Variants in LOC400499 observed in about 807,000 individuals in gnomAD.
At chr16:11,439,062 A>C in the LOC400499 span, among the ~76,000 whole-genome samples, 2,737 of 152,182 alleles carry the variant, frequency 0.018, 94 homozygotes, top group African/African-American at 0.063. Context: ...CACACCATGC[A>C]CAGCCTGCTC....
chr16:11,490,425 C>A, the LOC400499 span, among the ~76,000 whole-genome samples: 3 of 139,102 alleles, frequency 2.2e-5, no homozygotes, highest in Non-Finnish European at 4.6e-5. Flanking sequence ...AAAGTCCGGG[C>A]GCAGTGGCTC....
chr16:11,425,381 G>C, the LOC400499 span: 8 of 399,260 alleles, frequency 2.0e-5, no homozygotes, highest in Admixed American at 4.4e-5. Context: ...TCTCATGCTG[G>C]TCCCGCAGGA....
the LOC400499 span, among the ~76,000 whole-genome samples, chr16:11,418,010 T>C: frequency 2.0e-5 from 3 of 152,092 alleles, no homozygotes; most frequent in Non-Finnish European, 2.9e-5. Context: ...ATGGGGTTAC[T>C]CCAGCTAATT....
the LOC400499 span, among the ~76,000 whole-genome samples, chr16:11,395,438 C>T: frequency 1.4e-4 from 21 of 152,280 alleles, no homozygotes; most frequent in East Asian, 5.8e-4. Flanking sequence ...CCATCAGGCA[C>T]GGGGCTTACA....
At chr16:11,376,243 T>C in the LOC400499 span, among the ~76,000 whole-genome samples, 1 of 152,250 alleles carries the variant, frequency 6.6e-6, no homozygotes, top group Non-Finnish European at 1.5e-5. Flanking sequence ...TTTGGTGTCA[T>C]ATGCGCCATA....
the LOC400499 span, chr16:11,478,499 G>A: frequency 7.5e-6 from 3 of 398,950 alleles, no homozygotes; most frequent in Non-Finnish European, 1.3e-5. Flanking sequence ...TCACAGGGCA[G>A]ATGGCATGGG....
At chr16:11,463,895 A>C in the LOC400499 span, among the ~76,000 whole-genome samples, 1 of 152,180 alleles carries the variant, frequency 6.6e-6, no homozygotes, top group Non-Finnish European at 1.5e-5. Context: ...GAATGTGTAC[A>C]GATATGTCCA....
At chr16:11,412,955 T>C in the LOC400499 span, 4 of 399,082 alleles carry the variant, frequency 1.0e-5, no homozygotes, top group Non-Finnish European at 1.8e-5. Context: ...GAACACGAGC[T>C]GAGGAGGGAG....
the LOC400499 span, chr16:11,392,844 T>C: frequency 6.1e-6 from 6 of 976,334 alleles, no homozygotes; most frequent in Non-Finnish European, 7.3e-6. Context: ...CACCAGGTTT[T>C]TTCGTTTTTG....
chr16:11,404,880 A>G, the LOC400499 span: 3 of 398,748 alleles, frequency 7.5e-6, no homozygotes, highest in Non-Finnish European at 1.3e-5. Flanking sequence ...GAAGAGAATG[A>G]CGGCGTCATG....
the LOC400499 span, among the ~76,000 whole-genome samples, chr16:11,519,791 C>T: frequency 1.4e-4 from 21 of 151,886 alleles, no homozygotes; most frequent in East Asian, 4.1e-3. Flanking sequence ...CAGCAACCTC[C>T]ATCTCCCGGG....
chr16:11,460,677 G>A, the LOC400499 span: 3 of 1,467,358 alleles, frequency 2.0e-6, no homozygotes, highest in South Asian at 1.3e-5. Context: ...GGCTCCAAGA[G>A]AAGGAGGGCC....
the LOC400499 span, among the ~76,000 whole-genome samples, chr16:11,418,705 G>A: frequency 6.6e-6 from 1 of 152,206 alleles, no homozygotes; most frequent in Admixed American, 6.5e-5. Context: ...TCCCATTCCT[G>A]TGGCTGCTTT....
chr16:11,426,896 C>CAAA, the LOC400499 span, among the ~76,000 whole-genome samples: 235 of 105,850 alleles, frequency 2.2e-3, 3 homozygotes, highest in Non-Finnish European at 2.4e-3. Flanking sequence ...GACCCCATCT[C>CAAA]AAAAAAAAAA....
the LOC400499 span, chr16:11,399,849 G>A: frequency 5.0e-6 from 2 of 398,728 alleles, no homozygotes. Flanking sequence ...GGTGGGGAAA[G>A]GGGGACATGT....
the LOC400499 span, among the ~76,000 whole-genome samples, chr16:11,497,858 G>T: frequency 6.6e-6 from 1 of 151,882 alleles, no homozygotes; most frequent in African/African-American, 2.4e-5. Context: ...GGGAGGAGAA[G>T]AAAACAATCT....
chr16:11,509,919 G>A, the LOC400499 span, among the ~76,000 whole-genome samples: 217 of 152,062 alleles, frequency 1.4e-3, 3 homozygotes, highest in African/African-American at 5.0e-3. Context: ...TTGTCTGGAA[G>A]AGTATACTGG....
the LOC400499 span, among the ~76,000 whole-genome samples, chr16:11,393,092 G>C: frequency 6.6e-6 from 1 of 151,858 alleles, no homozygotes; most frequent in Admixed American, 6.6e-5. Flanking sequence ...CTGACCTTGT[G>C]ATCCACCCAC....
the LOC400499 span, chr16:11,502,029 GC>G: frequency 2.5e-6 from 1 of 398,672 alleles, no homozygotes; most frequent in Non-Finnish European, 4.4e-6. Flanking sequence ...ACCCAGGGAT[GC>G]CCCCAGCCAG....
Sources: gnomAD v4.1 joint callset for allele counts (sites outside exome capture counted in the v4.1 genomes callset) on GRCh38, gnomAD v4.1.1 for gene constraint, MANE v1.5 for transcripts.